SARDH: variants seen among roughly 807,000 people sequenced by gnomAD.
SARDH encodes sarcosine dehydrogenase, mitochondrial.
Under a neutral mutation model 109.1 loss-of-function variants are expected in SARDH, and 95 were observed. That is an observed-to-expected ratio of 0.87 (90% CI 0.74 to 1.03). The LOEUF (loss-of-function observed/expected upper bound fraction) is 1.03. Among genes scored for constraint, SARDH ranks in the 50% least tolerant of loss-of-function variants. The pLI, the probability that SARDH is intolerant of heterozygous loss-of-function variation, is 0.00. For missense variants in SARDH, 1,267 were observed against 1,287.8 expected, an observed-to-expected ratio of 0.98 and a Z score of 0.25; for synonymous variants, 572 against 534.8, an observed-to-expected ratio of 1.07 and a Z score of -0.96.
intron 8 of SARDH, among the ~76,000 whole-genome samples, chr9:133,715,301 C>T (rs1209190439): frequency 4.6e-5 from 7 of 152,128 alleles, no homozygotes; most frequent in African/African-American, 7.2e-5. Context: ...AGTACCGGCT[C>T]CCCAGGCTAA....
intron 16 of SARDH, among the ~76,000 whole-genome samples, chr9:133,688,437 G>A (rs766680113): frequency 4.0e-5 from 6 of 150,920 alleles, no homozygotes; most frequent in South Asian, 2.1e-4. Flanking sequence ...CCCGTGAGCC[G>A]CATGGACTCA....
At chr9:133,669,374 T>G (rs1024629866) in intron 19 of SARDH, among the ~76,000 whole-genome samples, 1 of 138,658 alleles carries the variant, frequency 7.2e-6, no homozygotes, top group East Asian at 2.2e-4. Flanking sequence ...ACACTCCTTT[T>G]GAAGGCTCCA....
At chr9:133,672,146 C>T (rs1408972925) in intron 17 of SARDH, among the ~76,000 whole-genome samples, 2 of 151,806 alleles carry the variant, frequency 1.3e-5, no homozygotes, top group Admixed American at 1.3e-4. Context: ...CTCCCGAGCA[C>T]CTCCCGAGCA....
chr9:133,669,412 C>T (rs909417030), intron 19 of SARDH, among the ~76,000 whole-genome samples: 1 of 147,776 alleles, frequency 6.8e-6, no homozygotes, highest in Non-Finnish European at 1.5e-5. Flanking sequence ...GCAGTGTTTG[C>T]AGCTGGCTGT....
At position 133,696,256 on chromosome 9, in the gene SARDH, A is replaced by T; in HGVS notation, c.1774T>A (p.Trp592Arg). ...CGGCTGACATCTGCGGAGAAGAGCC[A>T]GTCGGCAGCCTTCCTTGCATCCAGC... is the stretch of plus-strand genomic sequence containing the variant. ...VGLDARKAAD[W>R]LFSADVSRPP... The change falls in exon 14 of 21, where the codon TGG becomes AGG. Residue 592 changes from tryptophan (W) to arginine (R), a missense_variant. By Grantham distance (101) the Trp-to-Arg change is moderately radical. Coordinates refer to ENST00000439388, the MANE Select transcript of SARDH (RefSeq NM_001134707.2). 1.2e-6 allele frequency: 2 copies of T among 1,614,150 alleles called. No homozygotes were observed. Among genetic ancestry groups the T allele is most frequent in the Non-Finnish European group, 1.7e-6 (2 of 1,180,026 alleles).
Position 133,731,497 on chromosome 9 carries a change from A to G in SARDH, c.511-13T>C, listed in dbSNP as rs200706161. On this transcript the variant is annotated splice_polypyrimidine_tract_variant and intron_variant, in intron 3 of 20. Transcript: ENST00000439388. The stretch of plus-strand genomic sequence containing the variant: ...ACGCCTTGCCCAGCTAGGGGGACCC[A>G]GGGGAGGTTAACTGAGTCCGTGGGG... 1 of 1,613,552 alleles carries G rather than the reference A, an allele frequency of 6.2e-7. No individual in the cohort carries two copies. The highest frequency in any genetic ancestry group is 1.3e-5 in the African/African-American group (1 of 75,030).
chr9:133,686,155 C>T lies in SARDH; in HGVS notation c.2070-869G>A, dbSNP rs976513445. On this transcript the variant is annotated intron_variant, in intron 16 of 20. Transcript: ENST00000439388. The surrounding 1 kb of genome is among the most constrained non-coding windows in gnomAD (Gnocchi z 4.0). The stretch of plus-strand genomic sequence containing the variant: ...TTTGCACAGACTTGCTGGGTCCACC[C>T]CTGCTTTTAAGCTCTGCGAGGGTGG... Among the ~76,000 whole-genome samples the T allele has an allele frequency of 6.6e-6, 1 of 152,124 alleles. No homozygotes were observed. Among genetic ancestry groups the T allele is most frequent in the Non-Finnish European group, 1.5e-5 (1 of 68,006 alleles).
intron 6 of SARDH, 32 bp from the exon 7 acceptor site, chr9:133,719,074 T>C (rs2027963): frequency 6.3e-7 from 1 of 1,593,840 alleles, no homozygotes; most frequent in Non-Finnish European, 8.6e-7. Flanking sequence ...CTTGGCATCA[T>C]CCAGAACTGG....
At chr9:133,717,268 C>T (rs1022531619) in intron 8 of SARDH, 58 bp downstream of exon 8, 21 of 1,600,678 alleles carry the variant, frequency 1.3e-5, no homozygotes, top group Non-Finnish European at 1.8e-5. Flanking sequence ...TCACTACTAA[C>T]AGTCATCAGA....
chr9:133,734,428 C>T (rs2073906), intron 1 of SARDH, among the ~76,000 whole-genome samples: 48,960 of 139,634 alleles, frequency 0.35, 10,069 homozygotes, highest in Middle Eastern at 0.48. Flanking sequence ...CATTCATTCA[C>T]TCATTCATTC....
chr9:133,673,919 C>T (rs1830434273), intron 17 of SARDH, among the ~76,000 whole-genome samples: 1 of 152,220 alleles, frequency 6.6e-6, no homozygotes, highest in Non-Finnish European at 1.5e-5. Flanking sequence ...TCCCATCCTT[C>T]CTGGCTCCAG....
At chr9:133,713,011 G>A in intron 9 of SARDH, 27 bp downstream of exon 9, 1 of 1,588,790 alleles carries the variant, frequency 6.3e-7, no homozygotes, top group African/African-American at 1.3e-5. Context: ...CCTCTTGGGG[G>A]CCAGGAGGGC....
At chr9:133,689,757 A>G (rs1473323713) in intron 16 of SARDH, among the ~76,000 whole-genome samples, 1 of 151,776 alleles carries the variant, frequency 6.6e-6, no homozygotes, top group Non-Finnish European at 1.5e-5. Flanking sequence ...CCCTTCTCCC[A>G]GCCTCCGAAG....
chr9:133,726,776 C>T (rs1832508095), intron 6 of SARDH, among the ~76,000 whole-genome samples: 1 of 152,198 alleles, frequency 6.6e-6, no homozygotes, highest in Non-Finnish European at 1.5e-5. Context: ...TGCTCCTGCC[C>T]TCCGTGTTCT....
chr9:133,670,531 C>T, intron 19 of SARDH, 53 bp downstream of exon 19: 7 of 1,534,866 alleles, frequency 4.6e-6, no homozygotes, highest in Non-Finnish European at 6.2e-6. Flanking sequence ...CGCCTGCCTG[C>T]CCTGGCTGTA....
downstream of SARDH, among the ~76,000 whole-genome samples, chr9:133,660,506 C>A (rs1321243203): frequency 2.0e-5 from 3 of 152,178 alleles, no homozygotes; most frequent in African/African-American, 7.2e-5. Flanking sequence ...TGAAAATGAC[C>A]TACATGCCCC....
At chr9:133,660,564 T>C (rs1832400158), downstream of SARDH, among the ~76,000 whole-genome samples, 1 of 152,200 alleles carries the variant, frequency 6.6e-6, no homozygotes, top group Non-Finnish European at 1.5e-5. Flanking sequence ...GATTGGGGTG[T>C]GAGTCCAGCA....
At chr9:133,723,119 G>A (rs1044938963) in intron 6 of SARDH, among the ~76,000 whole-genome samples, 22 of 152,028 alleles carry the variant, frequency 1.4e-4, no homozygotes, top group African/African-American at 3.1e-4. Context: ...AAATACTTTC[G>A]AAAGAAATTA....
In SARDH at chr9:133,685,289, G is replaced by A; in HGVS notation, c.2070-3C>T. 6.2e-7 allele frequency: 1 copy of A among 1,612,736 alleles called. No individual in the cohort carries two copies. The stretch of plus-strand genomic sequence containing the variant: ...GCACCTCCTGCAAAATGGCTCGGCT[G>A]CAGGCAAGAGCAAAGTCGCTCAGTC... On this transcript the variant is annotated splice_region_variant and splice_polypyrimidine_tract_variant and intron_variant, in intron 16 of 20. Transcript: ENST00000439388.
Sources: allele counts gnomAD v4.1 joint callset (sites outside exome capture counted in the v4.1 genomes callset), GRCh38; gene constraint gnomAD v4.1.1; non-coding constraint Gnocchi (gnomAD v3.1); transcripts MANE v1.5; gene names NCBI Gene and HGNC (gene_info 2026-07-23, HGNC 2026-07-21).